The following FRMD4B variants were observed in gnomAD, a reference collection of about 807,000 sequenced individuals.
The protein encoded by FRMD4B is FERM domain containing 4B.
Under a neutral mutation model 141.5 loss-of-function variants are expected in FRMD4B, and 74 were observed. The observed-to-expected ratio is 0.52, with a 90% CI of 0.43 to 0.63. The LOEUF (loss-of-function observed/expected upper bound fraction) is 0.63. Among genes scored for constraint, FRMD4B ranks in the 30% least tolerant of loss-of-function variants. The pLI, the probability that FRMD4B is intolerant of heterozygous loss-of-function variation, is 0.00. For synonymous variants in FRMD4B, 506 were observed against 467.9 expected, an observed-to-expected ratio of 1.08 and a Z score of -1.05; for missense variants, 1,366 against 1,253.4, an observed-to-expected ratio of 1.09 and a Z score of -1.36.
chr3:69,388,712 C>A (rs972561635), upstream of FRMD4B, among the ~76,000 whole-genome samples: 10 of 152,124 alleles, frequency 6.6e-5, no homozygotes, highest in Non-Finnish European at 1.0e-4. Flanking sequence ...GTAAAATATT[C>A]TGTATAAGGT....
intron 22 of FRMD4B, among the ~76,000 whole-genome samples, chr3:69,174,754 G>A (rs1161526851): frequency 2.0e-5 from 3 of 152,266 alleles, no homozygotes; most frequent in African/African-American, 7.2e-5. Flanking sequence ...TGAGAACTGA[G>A]TAATGCACCA....
intron 8 of FRMD4B, among the ~76,000 whole-genome samples, chr3:69,224,171 C>A (rs929411727): frequency 1.3e-5 from 2 of 152,132 alleles, no homozygotes; most frequent in Non-Finnish European, 2.9e-5. Context: ...ACTAAACCAA[C>A]TCAATATATA....
At chr3:69,414,861 G>GTT (rs5849900) in intron 2 of FRMD4B, among the ~76,000 whole-genome samples, 1,181 of 97,970 alleles carry the variant, frequency 0.012, 32 homozygotes, top group African/African-American at 0.021. Flanking sequence ...CGAACAAGCT[G>GTT]TTTTTTTTTT....
chr3:69,386,956 C>T (rs1704273337), upstream of FRMD4B, among the ~76,000 whole-genome samples: 1 of 152,188 alleles, frequency 6.6e-6, no homozygotes, highest in Admixed American at 6.5e-5. Flanking sequence ...CAAGCACCAA[C>T]CTGCATGGGT....
In FRMD4B at chr3:69,306,770, C is replaced by T. The variant is rs1701407637; in HGVS notation, c.324-4335G>A. The T allele has an allele frequency of 3.3e-5, 5 of 152,158 alleles. No homozygotes were observed. The South Asian group carries it at 1.0e-3, about 32-fold the overall frequency. 9.4% of individuals were successfully genotyped at this position (152,158 alleles called of 1,614,324 possible). ...AGCTACTTTCATTGACAAAATGTTC[C>T]TTTCAGCTTTACCAAAGACAAAAGA... On this transcript the variant is annotated intron_variant, in intron 3 of 22. Coordinates refer to ENST00000398540, the MANE Select transcript of FRMD4B (RefSeq NM_015123.3).
intron 1 of FRMD4B, among the ~76,000 whole-genome samples, chr3:69,331,983 G>A (rs1458320931): frequency 1.3e-5 from 2 of 152,134 alleles, no homozygotes; most frequent in Non-Finnish European, 2.9e-5. Context: ...AGCCACTCGG[G>A]ATGCTGAGGC....
intron 7 of FRMD4B, among the ~76,000 whole-genome samples, chr3:69,226,425 CTT>C (rs5849885): frequency 8.7e-4 from 126 of 145,294 alleles, no homozygotes; most frequent in Middle Eastern, 3.6e-3. Flanking sequence ...ACCACATTTA[CTT>C]TTTTTTTTTT....
intron 1 of FRMD4B, among the ~76,000 whole-genome samples, chr3:69,365,699 T>C (rs993222511): frequency 2.0e-5 from 3 of 152,034 alleles, no homozygotes; most frequent in African/African-American, 7.2e-5. Flanking sequence ...GGCTTCACCA[T>C]GTTGGCCAGG....
rs1002855064 is a variant in FRMD4B, at chr3:69,293,829, T to C, written c.417-5993A>G. Among the ~76,000 whole-genome samples, 6 of 133,256 alleles carry C rather than the reference T, an allele frequency of 4.5e-5. No individual in the cohort carries two copies. The South Asian group carries it at 9.4e-4, about 21-fold the overall frequency. The allele number at this position is 133,256 out of a possible 152,430, so 87.4% of individuals were successfully genotyped here. ...CTGGGAGGAGGAGGTTGCAGTGAGT[T>C]GAGATCCTGCCACTGCACTCTAGCC... On this transcript the variant is annotated intron_variant, in intron 4 of 22. Coordinates refer to ENST00000398540, the MANE Select transcript of FRMD4B (RefSeq NM_015123.3).
chr3:69,256,113 T>TGG (rs58549516), intron 5 of FRMD4B, among the ~76,000 whole-genome samples: 2 of 151,196 alleles, frequency 1.3e-5, no homozygotes, highest in African/African-American at 4.9e-5. Flanking sequence ...AATAAAAGGT[T>TGG]GGGGGGGAGG....
chr3:69,177,090 C>A (rs2092654597), intron 21 of FRMD4B, among the ~76,000 whole-genome samples: 1 of 152,110 alleles, frequency 6.6e-6, no homozygotes, highest in African/African-American at 2.4e-5. Context: ...GTAATCCAAG[C>A]ACTTTGGGAA....
At chr3:69,292,509 C>T (rs1472438430) in intron 4 of FRMD4B, among the ~76,000 whole-genome samples, 1 of 152,208 alleles carries the variant, frequency 6.6e-6, no homozygotes, top group Non-Finnish European at 1.5e-5. Context: ...AGGCCCCTGA[C>T]TACATCCTAG....
intron 21 of FRMD4B, among the ~76,000 whole-genome samples, chr3:69,180,246 CAAAA>C (rs71115658): frequency 4.9e-5 from 5 of 101,034 alleles, no homozygotes; most frequent in South Asian, 3.3e-4. Context: ...CTTGTTTCTA[CAAAA>C]AAAAAAAAAA....
chr3:69,428,645 G>A (rs1173852978), intron 2 of FRMD4B, among the ~76,000 whole-genome samples: 1 of 151,822 alleles, frequency 6.6e-6, no homozygotes, highest in African/African-American at 2.4e-5. Context: ...GGAAAAACCA[G>A]GAAAGTTTTC....
chr3:69,431,444 T>C (rs554288184), intron 2 of FRMD4B, among the ~76,000 whole-genome samples: 1 of 152,328 alleles, frequency 6.6e-6, no homozygotes, highest in South Asian at 2.1e-4. Flanking sequence ...ACATCTGTTA[T>C]GCTCTTCCAC....
At chr3:69,179,433 G>C (rs921025134) in intron 21 of FRMD4B, among the ~76,000 whole-genome samples, 12 of 152,142 alleles carry the variant, frequency 7.9e-5, no homozygotes, top group African/African-American at 2.7e-4. Context: ...TGAACTTTAA[G>C]AGGAAGAAAG....
chr3:69,240,055 A>AACAC (rs375091705), intron 7 of FRMD4B, among the ~76,000 whole-genome samples: 15 of 148,472 alleles, frequency 1.0e-4, no homozygotes, highest in South Asian at 4.3e-4. Context: ...CTCTGTCTCA[A>AACAC]ACACACACAC....
At chr3:69,249,374 T>A (rs2093446672) in intron 6 of FRMD4B, 126 bp from the exon 7 acceptor site, 1 of 641,956 alleles carries the variant, frequency 1.6e-6, no homozygotes. Context: ...TTCTCAGGAA[T>A]GCTCTCCCTA....
At chr3:69,427,568 C>G in intron 2 of FRMD4B, among the ~76,000 whole-genome samples, 1 of 146,864 alleles carries the variant, frequency 6.8e-6, no homozygotes, top group East Asian at 2.1e-4. Context: ...AACCTTAGAA[C>G]ACTTGTGTTT....
Sources: allele counts gnomAD v4.1 joint callset (sites outside exome capture counted in the v4.1 genomes callset), GRCh38; gene constraint gnomAD v4.1.1; transcripts MANE v1.5; gene names NCBI Gene and HGNC (gene_info 2026-07-23, HGNC 2026-07-21).